Variants in PRPSAP2 observed in about 807,000 individuals in gnomAD.
The protein encoded by PRPSAP2 is phosphoribosyl pyrophosphate synthase-associated protein 2.
In PRPSAP2, 24 loss-of-function variants were observed where a neutral mutation model predicts 40.6. The ratio of observed to expected loss-of-function variants is 0.59; its 90% CI spans 0.43 to 0.83. The LOEUF is 0.83. Ranked by LOEUF, PRPSAP2 falls within the 40% of genes least tolerant of loss-of-function variation. PRPSAP2 has a pLI of 0.00. For synonymous variants in PRPSAP2, 149 were observed against 164.7 expected, an observed-to-expected ratio of 0.90 and a Z score of 0.73; for missense variants, 292 against 465.6, an observed-to-expected ratio of 0.63 and a Z score of 3.43.
chr17:18,911,674 C>G lies in PRPSAP2; in HGVS notation c.733+423C>G, dbSNP rs1343656781. 1.3e-5 allele frequency among the ~76,000 whole-genome samples: 2 copies of G among 151,928 alleles called. No individual in the cohort carries two copies. The highest frequency in any genetic ancestry group is 2.4e-5 in the African/African-American group (1 of 41,330). ...CTTGGTAAATTATACTGTGTCAGTA[C>G]AGCTAATTATGCAGCCCTTTGAAAT... On this transcript the variant is annotated intron_variant, in intron 9 of 11. Coordinates refer to ENST00000268835, the MANE Select transcript of PRPSAP2 (RefSeq NM_002767.4). The surrounding 1 kb of genome is among the most constrained non-coding windows in gnomAD (Gnocchi z 4.5).
chr17:18,881,781 G>A (rs544437108), intron 6 of PRPSAP2, among the ~76,000 whole-genome samples: 1 of 151,260 alleles, frequency 6.6e-6, no homozygotes, highest in Non-Finnish European at 1.5e-5. Context: ...CAGTTTGTCA[G>A]CCTTGGCCTT....
chr17:18,915,084 G>A (rs899763444), intron 9 of PRPSAP2, among the ~76,000 whole-genome samples: 2 of 150,018 alleles, frequency 1.3e-5, no homozygotes, highest in Non-Finnish European at 3.0e-5. Flanking sequence ...GAGTGCAGTG[G>A]TGTGATCACA....
intron 7 of PRPSAP2, among the ~76,000 whole-genome samples, chr17:18,887,061 C>T (rs1411770234): frequency 2.7e-5 from 4 of 150,732 alleles, no homozygotes; most frequent in Non-Finnish European, 5.9e-5. Flanking sequence ...CTCAGCCTCC[C>T]GAGTAGCTGG....
chr17:18,922,134 C>T (rs2041720878), intron 9 of PRPSAP2, among the ~76,000 whole-genome samples: 1 of 152,160 alleles, frequency 6.6e-6, no homozygotes, highest in South Asian at 2.1e-4. Context: ...GAGGTTCATC[C>T]ATGTGATAGC....
At chr17:18,872,309 G>C (rs1431081864) in intron 4 of PRPSAP2, among the ~76,000 whole-genome samples, 1 of 151,848 alleles carries the variant, frequency 6.6e-6, no homozygotes, top group Non-Finnish European at 1.5e-5. Context: ...GCTCGGAGTG[G>C]TACAGCACTC....
At chr17:18,920,939 C>CAGCT (rs1196441349) in intron 9 of PRPSAP2, among the ~76,000 whole-genome samples, 1 of 152,138 alleles carries the variant, frequency 6.6e-6, no homozygotes, top group Non-Finnish European at 1.5e-5. Context: ...CTCCTTCTCC[C>CAGCT]AGCTGCCCGA....
chr17:18,908,487 A>G (rs2040743182), intron 8 of PRPSAP2: 2 of 760,264 alleles, frequency 2.6e-6, no homozygotes, highest in East Asian at 2.5e-5. Flanking sequence ...GGCACCGGCA[A>G]CGTCAAGCTC....
intron 9 of PRPSAP2, among the ~76,000 whole-genome samples, chr17:18,914,166 T>G (rs2041146138): frequency 6.8e-6 from 1 of 146,164 alleles, no homozygotes. Flanking sequence ...GGCAACAGAG[T>G]GAGACACCAT....
intron 8 of PRPSAP2, among the ~76,000 whole-genome samples, chr17:18,903,463 ATGGCTCACACC>A (rs1479158505): frequency 7.2e-6 from 1 of 138,138 alleles, no homozygotes; most frequent in Non-Finnish European, 1.6e-5. Flanking sequence ...GCTAGGCTCG[ATGGCTCACACC>A]TGTAATCCCA....
chr17:18,925,828 G>A (rs1002352366), intron 10 of PRPSAP2, among the ~76,000 whole-genome samples: 1 of 152,134 alleles, frequency 6.6e-6, no homozygotes, highest in Non-Finnish European at 1.5e-5. Flanking sequence ...AAATCTCTCT[G>A]GGGCCGGGCA....
chr17:18,899,646 C>T (rs900403058), intron 8 of PRPSAP2, among the ~76,000 whole-genome samples: 15 of 147,156 alleles, frequency 1.0e-4, no homozygotes, highest in African/African-American at 2.5e-4. Context: ...CTCCCACATC[C>T]GCCTCCCAAG....
At chr17:18,879,194 A>G (rs543568171) in intron 6 of PRPSAP2, among the ~76,000 whole-genome samples, 30 of 152,308 alleles carry the variant, frequency 2.0e-4, no homozygotes, top group African/African-American at 7.2e-4. Flanking sequence ...TTTAGAAGGT[A>G]TGTATCACGG....
At chr17:18,902,360 A>G (rs2054544753) in intron 8 of PRPSAP2, among the ~76,000 whole-genome samples, 1 of 152,182 alleles carries the variant, frequency 6.6e-6, no homozygotes. Context: ...ATGCATGTGT[A>G]GCGTCAGATG....
chr17:18,860,879 G>A (rs1351138631), intron 1 of PRPSAP2, among the ~76,000 whole-genome samples: 1 of 152,142 alleles, frequency 6.6e-6, no homozygotes, highest in Admixed American at 6.5e-5. Flanking sequence ...AGTATGATTT[G>A]CTCTTTAAAA....
intron 5 of PRPSAP2, among the ~76,000 whole-genome samples, chr17:18,877,077 A>G (rs1172590076): frequency 2.6e-5 from 4 of 152,198 alleles, no homozygotes; most frequent in Admixed American, 6.6e-5. Flanking sequence ...AGGAACCAGC[A>G]AAAGAAACCA....
At chr17:18,920,953 G>A (rs1349724979) in intron 9 of PRPSAP2, among the ~76,000 whole-genome samples, 1 of 151,928 alleles carries the variant, frequency 6.6e-6, no homozygotes, top group Non-Finnish European at 1.5e-5. Flanking sequence ...TGCCCGACGT[G>A]TCATCTCAGG....
chr17:18,860,348 G>A (rs2036914071), intron 1 of PRPSAP2, among the ~76,000 whole-genome samples: 2 of 152,304 alleles, frequency 1.3e-5, no homozygotes, highest in South Asian at 4.1e-4. Context: ...GAGGCACTGC[G>A]CCTGGCCGGT....
At chr17:18,883,544 C>T (rs543285545) in intron 7 of PRPSAP2, among the ~76,000 whole-genome samples, 7 of 151,918 alleles carry the variant, frequency 4.6e-5, no homozygotes, top group Non-Finnish European at 2.9e-5. Flanking sequence ...TGCGCCAACA[C>T]AGCTGGCTAA....
chr17:18,868,167 A>T, intron 4 of PRPSAP2, among the ~76,000 whole-genome samples: 1 of 152,114 alleles, frequency 6.6e-6, no homozygotes, highest in East Asian at 1.9e-4. Flanking sequence ...TTCTTTAGCA[A>T]TGGTGGATAT....
Sources: gnomAD v4.1 joint callset for allele counts (sites outside exome capture counted in the v4.1 genomes callset) on GRCh38, gnomAD v4.1.1 for gene constraint, Gnocchi (gnomAD v3.1) non-coding constraint, MANE v1.5 for transcripts, NCBI Gene and HGNC (gene_info 2026-07-23, HGNC 2026-07-21) for gene names.